The following MTFP1 variants were observed in gnomAD, a reference collection of about 807,000 sequenced individuals.
MTFP1 encodes the protein mitochondrial fission process 1.
Under a neutral mutation model 17.1 loss-of-function variants are expected in MTFP1, and 19 were observed. That is an observed-to-expected ratio of 1.11 (90% confidence interval 0.77 to 1.63). The LOEUF (loss-of-function observed/expected upper bound fraction) is 1.63. MTFP1 is among the 40% of genes most tolerant of loss of function. MTFP1 has a pLI of 0.00. For synonymous variants in MTFP1, 89 were observed against 95.2 expected (o/e 0.93, Z 0.38); for missense variants, 221 against 226.2 (o/e 0.98, Z 0.15).
In MTFP1 at chr22:30,426,810, CG is replaced by C; in HGVS notation, c.163del (p.Asp55MetfsTer23). 1 of 1,613,152 alleles carries C rather than the reference CG, an allele frequency of 6.2e-7. No individual in the cohort carries two copies. The highest frequency in any genetic ancestry group is 8.5e-7 in the Non-Finnish European group (1 of 1,180,004). ...SYGVASSYVL[A>X]DAIDKGKKAG... ...GGCGTGGCCAGCTCCTACGTGCTGG[CG>C]GATGCCATTGACAAAGGCAAGAAGG... On this transcript the variant is annotated frameshift_variant, in exon 2 of 4. Coordinates refer to ENST00000266263, the MANE Select transcript of MTFP1 (RefSeq NM_016498.5). LOFTEE classifies it high-confidence loss of function.
rs1179517075 is a variant in MTFP1 at position 30,427,219 on chromosome 22, G to C, written c.244G>C (p.Val82Leu). The C allele has an allele frequency of 2.5e-6, 4 of 1,613,990 alleles. No homozygotes were observed. The highest frequency in any genetic ancestry group is 3.4e-6 in the Non-Finnish European group (4 of 1,180,048). Reference sequence around the variant, plus strand: ...CAGCGCCAGGGTGACTGTGGCTGTGGTGGACACCTTTGTATGGCAGGCTCT... The same window carrying C: ...CAGCGCCAGGGTGACTGTGGCTGTGCTGGACACCTTTGTATGGCAGGCTCT... ...GRSARVTVAV[V>L]DTFVWQALAS... Residue 82 changes from valine (V) to leucine (L), a missense_variant, in exon 3 of 4, where the codon GTG becomes CTG. Coordinates refer to ENST00000266263, the MANE Select transcript of MTFP1 (RefSeq NM_016498.5).
At chr22:30,426,420 G>C (rs1027094457) in intron 1 of MTFP1, among the ~76,000 whole-genome samples, 9 of 152,186 alleles carry the variant, frequency 5.9e-5, no homozygotes, top group African/African-American at 2.2e-4. Flanking sequence ...CGATCACTCT[G>C]CCCCTCTGGG....
Position 30,428,458 on chromosome 22 carries a change from A to G in MTFP1, c.429-4A>G. The G allele has an allele frequency of 4.3e-6, 7 of 1,613,600 alleles. No individual in the cohort carries two copies. The highest frequency in any genetic ancestry group is 1.1e-5 in the South Asian group (1 of 91,036). On this transcript the variant is annotated splice_region_variant and splice_polypyrimidine_tract_variant and intron_variant, in intron 3 of 3. Transcript: ENST00000266263. The stretch of plus-strand genomic sequence containing the variant: ...CCTGCTCACCACCCTTCCACTCCCT[A>G]CAGGTCGGTGGATTTCCTCCTGGAC...
rs764167246 is a variant in MTFP1, at chr22:30,427,282, G to A, written c.307G>A (p.Val103Met). The A allele has an allele frequency of 2.4e-5, 39 of 1,613,918 alleles. No homozygotes were observed. Among genetic ancestry groups the A allele is most frequent in the Non-Finnish European group, 2.9e-5 (34 of 1,180,038 alleles). Residue 103 changes from valine (V) to methionine (M), a missense_variant, in exon 3 of 4, where the codon GTG becomes ATG. Val to Met is a conservative substitution (Grantham distance 21). Coordinates refer to ENST00000266263, the MANE Select transcript of MTFP1 (RefSeq NM_016498.5). ...VAIPGFTINR[V>M]CAASLYVLGT... ...CATTCCGGGCTTCACCATCAACCGC[G>A]TGTGTGCTGCCTCTCTCTATGTCCT... is the stretch of plus-strand genomic sequence containing the variant.
intron 3 of MTFP1, 124 bp from the exon 4 acceptor site, chr22:30,428,338 T>C (rs1351035015): frequency 6.5e-6 from 5 of 770,780 alleles, no homozygotes; most frequent in Non-Finnish European, 1.1e-5. Flanking sequence ...TAAGGGTGGG[T>C]CTCTGGCTGG....
intron 1 of MTFP1, among the ~76,000 whole-genome samples, chr22:30,426,270 C>CA (rs1157015378): frequency 6.6e-6 from 1 of 151,784 alleles, no homozygotes; most frequent in Non-Finnish European, 1.5e-5. Context: ...TCCTCCTCGG[C>CA]AAAAAAACAA....
At position 30,425,925 on chromosome 22, in the gene MTFP1, G is replaced by A; in HGVS notation, c.46G>A (p.Asp16Asn). The A allele has an allele frequency of 4.6e-6, 7 of 1,532,588 alleles. No individual in the cohort carries two copies. Among genetic ancestry groups the A allele is most frequent in the Non-Finnish European group, 6.1e-6 (7 of 1,139,928 alleles). The allele number at this position is 1,532,588 out of a possible 1,614,324, so 94.9% of individuals were successfully genotyped here. Reference protein sequence around the residue: ...PRGAERDLYRDTWVRYLGYAN... With the variant: ...PRGAERDLYRNTWVRYLGYAN... ...GGGCGCAGAGCGCGATCTCTACCGG[G>A]ACACGTGGGTGCGATACCTGGGTGA... Residue 16 changes from aspartate (D) to asparagine (N), a missense_variant, in exon 1 of 4, where the codon GAC (aspartate) becomes AAC (asparagine). Coordinates refer to ENST00000266263, the MANE Select transcript of MTFP1 (RefSeq NM_016498.5).
At chr22:30,427,002 C>A in intron 2 of MTFP1, 158 bp downstream of exon 2, 8 of 1,392,090 alleles carry the variant, frequency 5.7e-6, no homozygotes, top group Non-Finnish European at 8.1e-6. Context: ...GACAGTGTAC[C>A]CCTGCCCCCA....
At chr22:30,426,981 C>T (rs1396639326) in intron 2 of MTFP1, 137 bp downstream of exon 2, 29 of 1,463,574 alleles carry the variant, frequency 2.0e-5, no homozygotes, top group Admixed American at 3.4e-5. Context: ...CATAGACAGT[C>T]CTGTTTGTAG....
Position 30,425,804 on chromosome 22 carries a change from A to G in MTFP1, c.-76A>G. On this transcript the variant is annotated 5_prime_UTR_variant, in exon 1 of 4. Coordinates refer to ENST00000266263, the MANE Select transcript of MTFP1 (RefSeq NM_016498.5). Reference sequence around the variant, plus strand: ...GACTTTCGGCGGGTCCCGGCCGGGCAGACCCAAGTGCCGGCGGCGGAGACT... The same window carrying G: ...GACTTTCGGCGGGTCCCGGCCGGGCGGACCCAAGTGCCGGCGGCGGAGACT... 6 of 1,424,362 alleles carry G rather than the reference A, an allele frequency of 4.2e-6. No individual in the cohort carries two copies. Among genetic ancestry groups the G allele is most frequent in the African/African-American group, 1.5e-5 (1 of 67,682 alleles). 88.2% of individuals were successfully genotyped at this position (1,424,362 alleles called of 1,614,324 possible).
At position 30,428,927 on chromosome 22, in the gene MTFP1, ATGG is replaced by A. The variant is rs1357261918; in HGVS notation, c.*398_*400del. ...CCCAGGTGCTTGACAGAGTCACCCC[ATGG>A]TGGTATGGCTGAACAAGGAGCGGCA... On this transcript the variant is annotated 3_prime_UTR_variant, in exon 4 of 4. Coordinates refer to ENST00000266263, the MANE Select transcript of MTFP1 (RefSeq NM_016498.5). 6 of 513,690 alleles carry A rather than the reference ATGG, an allele frequency of 1.2e-5. No individual in the cohort carries two copies. Among genetic ancestry groups the A allele is most frequent in the Non-Finnish European group, 2.1e-5 (6 of 283,298 alleles). 31.8% of individuals were successfully genotyped at this position (513,690 alleles called of 1,614,324 possible). A position where few individuals can be genotyped will look rare whatever the true frequency, so the allele number is the denominator to read the frequency against.
At position 30,428,959 on chromosome 22, in the gene MTFP1, A is replaced by T. The variant is rs533186270; in HGVS notation, c.*425A>T. ...TATGGCTGAACAAGGAGCGGCAGAC[A>T]ACTCAGGGAGAAACTCAGGAGTGCA... On this transcript the variant is annotated 3_prime_UTR_variant, in exon 4 of 4. Transcript: ENST00000266263. 4.9e-5 allele frequency: 22 copies of T among 452,336 alleles called. No individual in the cohort carries two copies. The highest frequency in any genetic ancestry group is 4.0e-4 in the African/African-American group (20 of 50,474). 28.0% of individuals were successfully genotyped at this position (452,336 alleles called of 1,614,324 possible). A position where few individuals can be genotyped will look rare whatever the true frequency, so the allele number is the denominator to read the frequency against.
chr22:30,426,608 C>T, intron 1 of MTFP1, 109 bp from the exon 2 acceptor site: 1 of 1,436,036 alleles, frequency 7.0e-7, no homozygotes, highest in Non-Finnish European at 9.4e-7. Context: ...AAGTCACTTG[C>T]CTAAGGTCAC....
At chr22:30,427,645 G>T (rs930138113) in intron 3 of MTFP1, among the ~76,000 whole-genome samples, 1 of 152,172 alleles carries the variant, frequency 6.6e-6, no homozygotes, top group Non-Finnish European at 1.5e-5. Flanking sequence ...TGGGACACAG[G>T]ACAAGTAAAT....
chr22:30,427,830 A>T (rs1386748454), intron 3 of MTFP1, among the ~76,000 whole-genome samples: 1 of 152,188 alleles, frequency 6.6e-6, no homozygotes, highest in African/African-American at 2.4e-5. Flanking sequence ...GGCTAGATCT[A>T]GGTACCCAAA....
intron 3 of MTFP1, 33 bp from the exon 4 acceptor site, chr22:30,428,429 G>A (rs1405891272): frequency 6.3e-7 from 1 of 1,596,440 alleles, no homozygotes; most frequent in Non-Finnish European, 8.6e-7. Context: ...AACACCCTTG[G>A]TCACCTGCTC....
At position 30,425,827 on chromosome 22, in the gene MTFP1, A is replaced by C; in HGVS notation, c.-53A>C. 2.7e-6 allele frequency: 4 copies of C among 1,477,030 alleles called. No homozygotes were observed. The highest frequency in any genetic ancestry group is 2.7e-6 in the Non-Finnish European group (3 of 1,108,108). The allele number at this position is 1,477,030 out of a possible 1,614,324, so 91.5% of individuals were successfully genotyped here. On this transcript the variant is annotated 5_prime_UTR_variant, in exon 1 of 4. Transcript: ENST00000266263. ...GCAGACCCAAGTGCCGGCGGCGGAG[A>C]CTGCAGTGGAGCCAGTACCGGCTGT...
chr22:30,425,931 T>G lies in MTFP1; in HGVS notation c.52T>G (p.Trp18Gly). 6.5e-7 allele frequency: 1 copy of G among 1,529,298 alleles called. No individual in the cohort carries two copies. The highest frequency in any genetic ancestry group is 8.8e-7 in the Non-Finnish European group (1 of 1,138,222). 94.7% of individuals were successfully genotyped at this position (1,529,298 alleles called of 1,614,324 possible). A position where few individuals can be genotyped will look rare whatever the true frequency, so the allele number is the denominator to read the frequency against. The change falls in exon 1 of 4, where the codon TGG becomes GGG. Residue 18 changes from tryptophan to glycine, a missense_variant. Trp to Gly is a radical substitution (Grantham distance 184). Coordinates refer to ENST00000266263, the MANE Select transcript of MTFP1 (RefSeq NM_016498.5). Reference protein sequence around the residue: ...GAERDLYRDTWVRYLGYANEV... With the variant: ...GAERDLYRDTGVRYLGYANEV... ...AGAGCGCGATCTCTACCGGGACACG[T>G]GGGTGCGATACCTGGGTGAGCGCGG...
intron 1 of MTFP1, 44 bp from the exon 2 acceptor site, chr22:30,426,673 G>C: frequency 6.2e-7 from 1 of 1,608,932 alleles, no homozygotes; most frequent in South Asian, 1.1e-5. Context: ...ACGCCCCCTC[G>C]TGGAACAGTT....
Sources: allele counts gnomAD v4.1 joint callset (sites outside exome capture counted in the v4.1 genomes callset), GRCh38; gene constraint gnomAD v4.1.1; transcripts MANE v1.5; gene names NCBI Gene and HGNC (gene_info 2026-07-23, HGNC 2026-07-21).